The following AFF2 variants were observed in gnomAD, a reference collection of about 807,000 sequenced individuals.
The protein encoded by AFF2 is ALF transcription elongation factor 2, also known as AF4/FMR2 family member 2.
AFF2 carries 14 observed loss-of-function variants against 76.9 expected under a neutral mutation model. The ratio of observed to expected loss-of-function variants is 0.18; its 90% CI spans 0.12 to 0.28. AFF2 has a LOEUF of 0.28. AFF2 is among the 10% of genes least tolerant of loss of function. The pLI is 1.00. For missense variants in AFF2, 868 were observed against 1,001.1 expected, an observed-to-expected ratio of 0.87 and a Z score of 1.79; for synonymous variants, 398 against 366.7, an observed-to-expected ratio of 1.09 and a Z score of -0.98.
intron 3 of AFF2, among the ~76,000 whole-genome samples, chrX:148,728,910 G>A (rs2055190205): frequency 8.9e-6 from 1 of 111,838 alleles, no homozygotes; most frequent in Non-Finnish European, 1.9e-5. Flanking sequence ...ATTATTCATC[G>A]AGCAATTTTA....
chrX:148,976,697 C>T (rs2072330301), intron 16 of AFF2, among the ~76,000 whole-genome samples: 1 of 112,218 alleles, frequency 8.9e-6, no homozygotes, highest in Admixed American at 9.4e-5. Context: ...TTTCTTCATT[C>T]AAGTAATTAT....
At chrX:148,681,822 C>G (rs1292851653) in intron 3 of AFF2, among the ~76,000 whole-genome samples, 1 of 110,771 alleles carries the variant, frequency 9.0e-6, no homozygotes, top group Non-Finnish European at 1.9e-5. Flanking sequence ...TTTGGGCTTT[C>G]TTAGGCCTCA....
chrX:148,654,010 G>C (rs187425607), intron 2 of AFF2, among the ~76,000 whole-genome samples: 27 of 111,557 alleles, frequency 2.4e-4, no homozygotes, highest in Admixed American at 2.1e-3. Flanking sequence ...TGTCTTATAG[G>C]TATCAGTGGA....
chrX:148,507,725 C>T (rs1212706432), intron 1 of AFF2, among the ~76,000 whole-genome samples: 1 of 112,079 alleles, frequency 8.9e-6, no homozygotes, highest in African/African-American at 3.2e-5. Context: ...GCACACTTTA[C>T]ACCGTAGAGA....
intron 3 of AFF2, among the ~76,000 whole-genome samples, chrX:148,782,746 T>G (rs992180897): frequency 2.7e-5 from 3 of 112,080 alleles, no homozygotes; most frequent in Non-Finnish European, 5.6e-5. Context: ...TAGATTGCAT[T>G]AAATTACACC....
chrX:148,565,564 T>G (rs2053160128), intron 1 of AFF2, among the ~76,000 whole-genome samples: 1 of 111,673 alleles, frequency 9.0e-6, no homozygotes, highest in African/African-American at 3.3e-5. Flanking sequence ...AAAATAAATT[T>G]CATACTTATT....
At chrX:148,880,138 C>T (rs1603329187) in intron 7 of AFF2, among the ~76,000 whole-genome samples, 2 of 111,927 alleles carry the variant, frequency 1.8e-5, no homozygotes, top group Non-Finnish European at 3.8e-5. Context: ...CTGCCACAGC[C>T]CTCAGACAGG....
Position 148,871,054 on chromosome X carries a change from G to A in AFF2, c.1263-14835G>A, listed in dbSNP as rs577277508. Among the ~76,000 whole-genome samples, 69 of 111,074 alleles carry A rather than the reference G, an allele frequency of 6.2e-4. No homozygotes were observed. The South Asian group carries it at 0.026, about 42-fold the overall frequency. On this transcript the variant is annotated intron_variant, in intron 7 of 20. Transcript: ENST00000370460. The stretch of plus-strand genomic sequence containing the variant: ...CACTGGTGAGGGCAGTATGTGTGCT[G>A]TGTGTGTGTGGTTGTGGGGAGCGGG...
At chrX:148,538,160 T>G (rs1393447523) in intron 1 of AFF2, among the ~76,000 whole-genome samples, 1 of 112,945 alleles carries the variant, frequency 8.9e-6, no homozygotes, top group African/African-American at 3.2e-5. Context: ...TCTAATCTTG[T>G]AACTGTTTAT....
chrX:148,672,000 G>A (rs983548932), intron 3 of AFF2, among the ~76,000 whole-genome samples: 6 of 111,197 alleles, frequency 5.4e-5, no homozygotes, highest in Non-Finnish European at 1.9e-5. Flanking sequence ...GTTATCACTG[G>A]ATATATCGAT....
At chrX:148,722,935 T>A (rs1299754148) in intron 3 of AFF2, among the ~76,000 whole-genome samples, 4 of 110,956 alleles carry the variant, frequency 3.6e-5, no homozygotes, top group Non-Finnish European at 5.7e-5. Context: ...AGTATTACCT[T>A]CTCCAGGAAG....
chrX:148,658,619 G>C (rs1393946693), intron 2 of AFF2, among the ~76,000 whole-genome samples: 1 of 112,383 alleles, frequency 8.9e-6, no homozygotes, highest in African/African-American at 3.2e-5. Context: ...TTGCTCAAGT[G>C]TTCTTGTAAA....
intron 9 of AFF2, among the ~76,000 whole-genome samples, chrX:148,917,652 T>G (rs1470460360): frequency 1.8e-5 from 2 of 112,350 alleles, no homozygotes; most frequent in Non-Finnish European, 3.8e-5. Context: ...GTTGGAGAAG[T>G]TGGATGGCTC....
At chrX:148,833,771 G>A (rs969341393) in intron 4 of AFF2, among the ~76,000 whole-genome samples, 3 of 111,419 alleles carry the variant, frequency 2.7e-5, no homozygotes, top group African/African-American at 9.8e-5. Context: ...TTAGTTTCTG[G>A]TACAAAAAGA....
intron 3 of AFF2, among the ~76,000 whole-genome samples, chrX:148,793,172 G>T (rs782564835): frequency 9.5e-6 from 1 of 105,341 alleles, no homozygotes; most frequent in African/African-American, 3.5e-5. Flanking sequence ...AGGAGGAGCT[G>T]CAGCCCTTTG....
At chrX:148,539,358 C>G (rs1237838061) in intron 1 of AFF2, among the ~76,000 whole-genome samples, 1 of 111,495 alleles carries the variant, frequency 9.0e-6, no homozygotes, top group Non-Finnish European at 1.9e-5. Context: ...TGATTGGAAG[C>G]TGGCTACGTT....
chrX:148,679,679 T>G (rs1333575934), intron 3 of AFF2, among the ~76,000 whole-genome samples: 6 of 111,804 alleles, frequency 5.4e-5, no homozygotes, highest in African/African-American at 2.0e-4. Flanking sequence ...ACTTCCCAGA[T>G]GAGCAGACTT....
intron 3 of AFF2, among the ~76,000 whole-genome samples, chrX:148,779,552 G>C (rs2069713226): frequency 9.1e-6 from 1 of 110,023 alleles, no homozygotes; most frequent in Non-Finnish European, 1.9e-5. Flanking sequence ...ATATATTTAG[G>C]ATAGTTAGCT....
At chrX:148,732,191 T>G (rs2055228927) in intron 3 of AFF2, among the ~76,000 whole-genome samples, 2 of 82,688 alleles carry the variant, frequency 2.4e-5, no homozygotes, top group East Asian at 3.4e-4. Context: ...CCAACAATGA[T>G]AGACTGGATT....
Sources: allele counts gnomAD v4.1 joint callset (sites outside exome capture counted in the v4.1 genomes callset), GRCh38; gene constraint gnomAD v4.1.1; transcripts MANE v1.5; gene names NCBI Gene and HGNC (gene_info 2026-07-23, HGNC 2026-07-21).